MSH4: variants seen among roughly 807,000 people sequenced by gnomAD.
MSH4 encodes the protein mutS protein homolog 4.
In MSH4, 106 loss-of-function variants were observed where a neutral mutation model predicts 113.7. The observed-to-expected ratio is 0.93, with a 90% CI of 0.80 to 1.10. MSH4 has a LOEUF of 1.10. MSH4 is among the 50% of genes least tolerant of loss of function. MSH4 has a pLI of 0.00. For missense variants in MSH4, 1,061 were observed against 1,093.7 expected (o/e 0.97, Z 0.42); for synonymous variants, 368 against 380.2 (o/e 0.97, Z 0.37).
chr1:75,875,478 C>G (rs1344590702), intron 9 of MSH4, among the ~76,000 whole-genome samples: 1 of 152,066 alleles, frequency 6.6e-6, no homozygotes, highest in Non-Finnish European at 1.5e-5. Flanking sequence ...ATTATAAAAT[C>G]AAAGAGAAAT....
chr1:75,885,053 G>GTATATATATATATATATATA (rs1440812710), intron 15 of MSH4, among the ~76,000 whole-genome samples: 34 of 103,658 alleles, frequency 3.3e-4, no homozygotes, highest in African/African-American at 1.3e-3. Context: ...GTGTGTGTGT[G>GTATATATATATATATATATA]TGTGTGTATA....
chr1:75,806,198 T>C (rs1287471998), intron 2 of MSH4, among the ~76,000 whole-genome samples: 1 of 151,284 alleles, frequency 6.6e-6, no homozygotes. Context: ...ACTTTATATA[T>C]TCTGAGTAAT....
At chr1:75,846,750 G>A (rs1161383178) in intron 7 of MSH4, among the ~76,000 whole-genome samples, 1 of 152,008 alleles carries the variant, frequency 6.6e-6, no homozygotes, top group Admixed American at 6.6e-5. Context: ...TGCCCTTAAT[G>A]TTCTTCTGTT....
At chr1:75,829,969 A>G (rs1277694365) in intron 7 of MSH4, among the ~76,000 whole-genome samples, 1 of 152,182 alleles carries the variant, frequency 6.6e-6, no homozygotes, top group African/African-American at 2.4e-5. Flanking sequence ...GCTTCAGACG[A>G]TCGGTAATAG....
Position 75,867,503 on chromosome 1 carries a change from TA to T in MSH4, c.1231-10del, listed in dbSNP as rs1324736724. 1 of 1,557,824 alleles carries T rather than the reference TA, an allele frequency of 6.4e-7. No individual in the cohort carries two copies. The highest frequency in any genetic ancestry group is 8.7e-7 in the Non-Finnish European group (1 of 1,142,978). ...TGGTGTCCATCCAAATTTGGGTTTT[TA>T]TCTTAACAGGTCAATGCTGCTGAAT... is the stretch of plus-strand genomic sequence containing the variant. On this transcript the variant is annotated splice_polypyrimidine_tract_variant and intron_variant, in intron 8 of 19. Coordinates refer to ENST00000263187, the MANE Select transcript of MSH4 (RefSeq NM_002440.4).
chr1:75,855,635 C>G (rs1315370312), intron 8 of MSH4, among the ~76,000 whole-genome samples: 1 of 152,160 alleles, frequency 6.6e-6, no homozygotes, highest in Non-Finnish European at 1.5e-5. Flanking sequence ...TCTGTGTTTC[C>G]TCTTCAAATG....
intron 8 of MSH4, among the ~76,000 whole-genome samples, chr1:75,852,342 T>C (rs1292545761): frequency 6.6e-6 from 1 of 152,178 alleles, no homozygotes; most frequent in African/African-American, 2.4e-5. Flanking sequence ...CTATGAATAT[T>C]TGTGTGCAGG....
chr1:75,891,900 T>C (rs1652265226), intron 17 of MSH4, among the ~76,000 whole-genome samples: 1 of 152,224 alleles, frequency 6.6e-6, no homozygotes, highest in South Asian at 2.1e-4. Context: ...GTGCATATAT[T>C]ACTTAAGATT....
At chr1:75,859,268 TCTG>T (rs1481080662) in intron 8 of MSH4, among the ~76,000 whole-genome samples, 3 of 152,222 alleles carry the variant, frequency 2.0e-5, no homozygotes, top group Non-Finnish European at 4.4e-5. Flanking sequence ...TTCCTTTAGT[TCTG>T]CTCTGATTTT....
intron 9 of MSH4, among the ~76,000 whole-genome samples, chr1:75,870,436 G>A (rs942028096): frequency 6.6e-6 from 1 of 152,146 alleles, no homozygotes; most frequent in Non-Finnish European, 1.5e-5. Flanking sequence ...GGGGCTAGGG[G>A]CAGAATTATA....
At chr1:75,902,706 T>C (rs1652534160) in intron 19 of MSH4, among the ~76,000 whole-genome samples, 1 of 44,310 alleles carries the variant, frequency 2.3e-5, no homozygotes, top group Admixed American at 1.8e-4. Flanking sequence ...TATATATATA[T>C]ATATATATAT....
chr1:75,878,989 C>G lies in MSH4; in HGVS notation c.1541-3C>G, dbSNP rs764082224. The G allele has an allele frequency of 1.2e-5, 20 of 1,601,750 alleles. No individual in the cohort carries two copies. The highest frequency in any genetic ancestry group is 1.7e-5 in the Non-Finnish European group (20 of 1,172,954). ...TTTTGTTTTTCTTGTTTCTGGTCACCAGGAATGATATCACAACTTGGAGAA... is the reference window on the plus strand; with the variant it reads ...TTTTGTTTTTCTTGTTTCTGGTCACGAGGAATGATATCACAACTTGGAGAA... On this transcript the variant is annotated splice_region_variant and splice_polypyrimidine_tract_variant and intron_variant, in intron 11 of 19. Coordinates refer to ENST00000263187, the MANE Select transcript of MSH4 (RefSeq NM_002440.4).
intron 17 of MSH4, among the ~76,000 whole-genome samples, chr1:75,892,440 T>C (rs1013373596): frequency 1.3e-5 from 2 of 152,008 alleles, no homozygotes. Context: ...TCTCTATTGG[T>C]CCTCTTTCTC....
chr1:75,802,486 A>T (rs1649960277), intron 1 of MSH4, among the ~76,000 whole-genome samples: 3 of 152,182 alleles, frequency 2.0e-5, no homozygotes, highest in South Asian at 4.1e-4. Flanking sequence ...ACATTTTAAA[A>T]TTTTTTTAGA....
At chr1:75,842,387 G>C (rs1650976438) in intron 7 of MSH4, among the ~76,000 whole-genome samples, 1 of 152,146 alleles carries the variant, frequency 6.6e-6, no homozygotes, top group African/African-American at 2.4e-5. Flanking sequence ...AAGGAAAACT[G>C]TGGGCAGCAA....
intron 7 of MSH4, among the ~76,000 whole-genome samples, chr1:75,829,994 C>A (rs1650645869): frequency 6.6e-6 from 1 of 152,056 alleles, no homozygotes; most frequent in Admixed American, 6.5e-5. Context: ...CTTCTCCAAG[C>A]TAAAGGAGGA....
rs575663551 is a variant in MSH4 at position 75,796,992 on chromosome 1, A to T, written c.7A>T (p.Arg3Trp). The change falls in exon 1 of 20, where the codon AGG becomes TGG. Residue 3 changes from arginine (R) to tryptophan (W), a missense_variant. Transcript: ENST00000263187. ML[R>W]PEISSTSPSA... ...TCAGGGAAGGTTTGGGAGGATGCTG[A>T]GGCCTGAGATCTCATCAACCTCGCC... is the stretch of plus-strand genomic sequence containing the variant. 1 of 1,614,026 alleles carries T rather than the reference A, an allele frequency of 6.2e-7. No individual in the cohort carries two copies. Among genetic ancestry groups the T allele is most frequent in the Non-Finnish European group, 8.5e-7 (1 of 1,180,030 alleles).
chr1:75,837,021 T>C (rs1221417780), intron 7 of MSH4, among the ~76,000 whole-genome samples: 2 of 152,352 alleles, frequency 1.3e-5, no homozygotes, highest in East Asian at 3.9e-4. Context: ...CTACATGTTG[T>C]GCTTCTCCAA....
At chr1:75,886,636 A>G (rs1456666364) in intron 15 of MSH4, among the ~76,000 whole-genome samples, 3 of 124,042 alleles carry the variant, frequency 2.4e-5, no homozygotes, top group Admixed American at 1.8e-4. Flanking sequence ...ATATAAATAT[A>G]TAATTATGTA....
Sources: allele counts gnomAD v4.1 joint callset (sites outside exome capture counted in the v4.1 genomes callset), GRCh38; gene constraint gnomAD v4.1.1; transcripts MANE v1.5; gene names NCBI Gene and HGNC (gene_info 2026-07-23, HGNC 2026-07-21).